Variants in RIMS2 observed in about 807,000 individuals in gnomAD.
RIMS2 encodes the protein regulating synaptic membrane exocytosis 2.
A neutral mutation model predicts 174.4 loss-of-function variants in RIMS2; 59 were observed. The ratio of observed to expected loss-of-function variants is 0.34; its 90% CI spans 0.27 to 0.42. The LOEUF is 0.42. Ranked by LOEUF, RIMS2 falls within the 10% of genes least tolerant of loss-of-function variation. The pLI is 1.00. For synonymous variants in RIMS2, 606 were observed against 572.5 expected, an observed-to-expected ratio of 1.06 and a Z score of -0.84; for missense variants, 1,620 against 1,666.3, an observed-to-expected ratio of 0.97 and a Z score of 0.48.
chr8:104,033,629 T>G (rs975435422), intron 19 of RIMS2, among the ~76,000 whole-genome samples: 22 of 151,992 alleles, frequency 1.4e-4, no homozygotes, highest in African/African-American at 4.8e-4. Flanking sequence ...TTTTTTTTTG[T>G]TTTGGCGATT....
intron 19 of RIMS2, among the ~76,000 whole-genome samples, chr8:104,084,403 A>C (rs1238361557): frequency 1.4e-5 from 2 of 142,012 alleles, no homozygotes; most frequent in East Asian, 4.4e-4. Context: ...GCGCCACTGC[A>C]CTCCAGCCTG....
chr8:103,647,670 A>G (rs181489864), intron 1 of RIMS2, among the ~76,000 whole-genome samples: 27 of 152,002 alleles, frequency 1.8e-4, no homozygotes, highest in African/African-American at 6.3e-4. Context: ...ATGTGTCCAG[A>G]TATTATTTGT....
At chr8:103,535,067 T>C (rs568404450) in intron 1 of RIMS2, among the ~76,000 whole-genome samples, 18 of 152,342 alleles carry the variant, frequency 1.2e-4, no homozygotes, top group Admixed American at 1.1e-3. Flanking sequence ...AGAATGTTTT[T>C]TTGCCTTTGA....
chr8:103,539,170 A>G (rs1388321951), intron 1 of RIMS2, among the ~76,000 whole-genome samples: 1 of 152,212 alleles, frequency 6.6e-6, no homozygotes, highest in African/African-American at 2.4e-5. Context: ...GTGAATAGCC[A>G]CTGCTCTCCA....
rs759204187 is a variant in RIMS2, at chr8:103,998,201, C to T, written c.3044+8780C>T. The T allele has an allele frequency of 3.7e-6, 6 of 1,607,544 alleles. No homozygotes were observed. In the Admixed American group the frequency reaches 6.7e-5, roughly 18 times the overall value. The stretch of plus-strand genomic sequence containing the variant: ...TGCTTGCAGTCATTTTCTTACTCTA[C>T]CTCGCTCCAGATACAGTCAGACCAT... On this transcript the variant is annotated intron_variant, in intron 17 of 23. Transcript: ENST00000504942.
At chr8:103,664,060 GA>G (rs1209338825) in intron 1 of RIMS2, among the ~76,000 whole-genome samples, 3 of 152,130 alleles carry the variant, frequency 2.0e-5, no homozygotes, top group Non-Finnish European at 2.9e-5. Flanking sequence ...ATGGTGCTGG[GA>G]AAACTGGCTA....
intron 1 of RIMS2, among the ~76,000 whole-genome samples, chr8:103,597,100 C>T (rs565375673): frequency 2.0e-5 from 3 of 152,174 alleles, no homozygotes; most frequent in East Asian, 3.9e-4. Flanking sequence ...AATTAACAAA[C>T]AGATTAAGAA....
intron 1 of RIMS2, among the ~76,000 whole-genome samples, chr8:103,660,980 C>T (rs1323708455): frequency 2.6e-5 from 4 of 152,156 alleles, no homozygotes; most frequent in African/African-American, 9.7e-5. Context: ...CATTAACAGC[C>T]ATGCAGGATT....
At chr8:103,527,361 G>A (rs1834546773) in intron 1 of RIMS2, among the ~76,000 whole-genome samples, 1 of 152,032 alleles carries the variant, frequency 6.6e-6, no homozygotes, top group African/African-American at 2.4e-5. Flanking sequence ...TATAGCCTAT[G>A]CACATCATCC....
At chr8:104,223,727 T>C (rs1178485412) in intron 19 of RIMS2, 1 of 1,593,074 alleles carries the variant, frequency 6.3e-7, no homozygotes, top group Non-Finnish European at 8.5e-7. Context: ...GAGTAGCCTG[T>C]CTGCCTCCTT....
At position 103,683,254 on chromosome 8, in the gene RIMS2, C is replaced by T. The variant is rs566102628; in HGVS notation, c.177-13832C>T. Among the ~76,000 whole-genome samples, 34 of 152,318 alleles carry T rather than the reference C, an allele frequency of 2.2e-4. No homozygotes were observed. In the South Asian group the frequency reaches 4.6e-3, roughly 20 times the overall value. On this transcript the variant is annotated intron_variant, in intron 1 of 23. Transcript: ENST00000504942. ...CTTGGCTTCTGGTGAGGACTTTATG[C>T]TGCTTCCACTCTAACAGAAAACTGA...
intron 16 of RIMS2, among the ~76,000 whole-genome samples, chr8:103,986,627 T>G (rs2094379619): frequency 6.6e-6 from 1 of 152,102 alleles, no homozygotes; most frequent in Non-Finnish European, 1.5e-5. Context: ...ATATTAAAAT[T>G]GACACAAGAA....
At position 103,841,960 on chromosome 8, in the gene RIMS2, GAAAAAAGAAAA is replaced by G. The variant is rs566496444; in HGVS notation, c.699-43323_699-43313del. Among the ~76,000 whole-genome samples the G allele has an allele frequency of 1.9e-3, 254 of 137,150 alleles. 2 individuals carry two copies. Among genetic ancestry groups the G allele is most frequent in the South Asian group, 0.015 (65 of 4,434 alleles). 90.0% of individuals were successfully genotyped at this position (137,150 alleles called of 152,430 possible). ...ACAAAGCGAGACTCCGTCTCAAAAA[GAAAAAAGAAAA>G]AAAAAAGAAAAAAAGAAATAGATAG... is the stretch of plus-strand genomic sequence containing the variant. On this transcript the variant is annotated intron_variant, in intron 3 of 23. Transcript: ENST00000504942.
chr8:103,589,938 GGTA>G (rs145160934), intron 1 of RIMS2, among the ~76,000 whole-genome samples: 1,526 of 151,430 alleles, frequency 0.01, 27 homozygotes, highest in African/African-American at 0.035. Context: ...TGTTGGAAAT[GGTA>G]GTGGGGGCTC....
intron 19 of RIMS2, among the ~76,000 whole-genome samples, chr8:104,045,797 C>G (rs762978379): frequency 4.2e-4 from 64 of 151,990 alleles, no homozygotes; most frequent in Non-Finnish European, 7.8e-4. Flanking sequence ...CTATTTCAGA[C>G]TGATCCATTT....
intron 19 of RIMS2, among the ~76,000 whole-genome samples, chr8:104,096,688 T>A (rs149468991): frequency 0.02 from 3,103 of 152,036 alleles, 42 homozygotes; most frequent in Middle Eastern, 0.11. Flanking sequence ...GCCAACGTGG[T>A]GAAACCCCAT....
At chr8:103,613,862 C>T (rs931946774) in intron 1 of RIMS2, among the ~76,000 whole-genome samples, 3 of 152,204 alleles carry the variant, frequency 2.0e-5, no homozygotes, top group Non-Finnish European at 4.4e-5. Flanking sequence ...ATGGGGGCCT[C>T]ATGACTCTTT....
At chr8:104,218,371 G>T (rs75207202) in intron 19 of RIMS2, among the ~76,000 whole-genome samples, 62 of 152,052 alleles carry the variant, frequency 4.1e-4, no homozygotes, top group African/African-American at 1.4e-3. Context: ...CCAGCAGTTT[G>T]CATTCTCCTC....
At chr8:104,161,584 G>T (rs1378617899) in intron 19 of RIMS2, among the ~76,000 whole-genome samples, 1 of 152,150 alleles carries the variant, frequency 6.6e-6, no homozygotes. Flanking sequence ...ACTTTTTTTA[G>T]ATTAGAGTAG....
Sources: allele counts gnomAD v4.1 joint callset (sites outside exome capture counted in the v4.1 genomes callset), GRCh38; gene constraint gnomAD v4.1.1; transcripts MANE v1.5; gene names NCBI Gene and HGNC (gene_info 2026-07-23, HGNC 2026-07-21).